Variants in ETS1 observed in about 807,000 individuals in gnomAD.
ETS1 encodes the protein protein C-ets-1.
ETS1 carries 15 observed loss-of-function variants against 58.6 expected under a neutral mutation model. The observed-to-expected ratio is 0.26, with a 90% CI of 0.17 to 0.39. The LOEUF (loss-of-function observed/expected upper bound fraction) is 0.39, where lower values mean the gene tolerates loss of function less well. Ranked by LOEUF, ETS1 falls within the 10% of genes least tolerant of loss-of-function variation. ETS1 has a pLI of 1.00. For missense variants in ETS1, 417 were observed against 610.5 expected (o/e 0.68, Z 3.34); for synonymous variants, 214 against 218.2 (o/e 0.98, Z 0.17).
chr11:128,490,344 T>C, intron 4 of ETS1, 113 bp downstream of exon 4: 1 of 1,087,892 alleles, frequency 9.2e-7, no homozygotes, highest in Non-Finnish European at 1.4e-6. Context: ...GGCCCATAGC[T>C]GCTGACTCCA....
intron 2 of ETS1, among the ~76,000 whole-genome samples, chr11:128,567,250 G>A (rs114041665): frequency 0.015 from 2,251 of 152,302 alleles, 66 homozygotes; most frequent in African/African-American, 0.051. Context: ...GAGGGACGGA[G>A]GCCAATGCCC....
rs562832391 is a variant in ETS1 at position 128,525,412 on chromosome 11, G to C, written c.214+30879C>G. On this transcript the variant is annotated intron_variant, in intron 3 of 9. Coordinates refer to ENST00000392668, the MANE Select transcript of ETS1 (RefSeq NM_001143820.2). ...TATACACTTAATGTTGAACAATCAT[G>C]GAAGACAGACTTTCCCTCTCCAGAA... is the stretch of plus-strand genomic sequence containing the variant. Among the ~76,000 whole-genome samples the C allele has an allele frequency of 2.3e-4, 35 of 152,156 alleles. No individual in the cohort carries two copies. In the South Asian group the frequency reaches 3.3e-3, roughly 14 times the overall value.
At chr11:128,558,702 GAA>G (rs924933166) in intron 2 of ETS1, among the ~76,000 whole-genome samples, 5 of 131,850 alleles carry the variant, frequency 3.8e-5, no homozygotes, top group African/African-American at 1.4e-4. Context: ...AGAGAGAAAA[GAA>G]AAGAAAATGT....
chr11:128,480,304 G>T lies in ETS1; in HGVS notation c.1010C>A (p.Ala337Asp). ...CTTGGGCTTGTGGTTGGGCAGGGCAGCCGGATAGTCCTCTGAGTCGAAGCT... is the reference window on the plus strand; with the variant it reads ...CTTGGGCTTGTGGTTGGGCAGGGCATCCGGATAGTCCTCTGAGTCGAAGCT... ...YDSFDSEDYP[A>D]ALPNHKPKGT... The change falls in exon 8 of 10, where the codon GCT (alanine) becomes GAT (aspartate). Residue 337 changes from alanine to aspartate, a missense_variant. Ala to Asp is a moderately radical substitution (Grantham distance 126, BLOSUM62 -2). Around this residue, in one of 4 missense-constraint regions of ETS1, gnomAD observed 139 missense variants for 152.1 expected, o/e 0.91. Transcript: ENST00000392668. 1 of 1,614,158 alleles carries T rather than the reference G, an allele frequency of 6.2e-7. No homozygotes were observed. Among genetic ancestry groups the T allele is most frequent in the Non-Finnish European group, 8.5e-7 (1 of 1,180,022 alleles).
At chr11:128,559,323 CA>C (rs2135560908) in intron 2 of ETS1, among the ~76,000 whole-genome samples, 1 of 152,298 alleles carries the variant, frequency 6.6e-6, no homozygotes, top group South Asian at 2.1e-4. Flanking sequence ...GTAGGTAGGG[CA>C]CAAAATAATG....
intron 1 of ETS1, among the ~76,000 whole-genome samples, chr11:128,585,174 GAAAGAAAGAAAGAAGGAAGGAAA>G: frequency 4.7e-5 from 1 of 21,124 alleles, no homozygotes; most frequent in African/African-American, 2.9e-4. Flanking sequence ...GAAAGAGAAA[GAAAGAAAGAAAGAAGGAAGGAAA>G]GAAAGAAAGA....
At chr11:128,512,920 T>A (rs1043165191) in intron 3 of ETS1, among the ~76,000 whole-genome samples, 5 of 152,262 alleles carry the variant, frequency 3.3e-5, no homozygotes, top group African/African-American at 1.2e-4. Context: ...CTTCACCTAC[T>A]GAATGCTTGA....
At chr11:128,521,678 C>T (rs1565395072) in intron 3 of ETS1, among the ~76,000 whole-genome samples, 1 of 152,200 alleles carries the variant, frequency 6.6e-6, no homozygotes, top group African/African-American at 2.4e-5. Flanking sequence ...CACAAAAACA[C>T]AGCTGTGAAA....
chr11:128,492,732 T>G (rs1862835190), intron 3 of ETS1, among the ~76,000 whole-genome samples: 1 of 152,158 alleles, frequency 6.6e-6, no homozygotes, highest in South Asian at 2.1e-4. Context: ...ATCCCCACTC[T>G]ACACCTCCAA....
At chr11:128,487,372 C>T (rs10790958) in intron 5 of ETS1, among the ~76,000 whole-genome samples, 3 of 152,178 alleles carry the variant, frequency 2.0e-5, no homozygotes, top group Non-Finnish European at 2.9e-5. Context: ...CCAGTCTTAG[C>T]GGCCAGAAGG....
chr11:128,515,639 T>G (rs375774492), intron 3 of ETS1, among the ~76,000 whole-genome samples: 3 of 152,212 alleles, frequency 2.0e-5, no homozygotes, highest in South Asian at 4.1e-4. Flanking sequence ...AGTTAATGTC[T>G]GTCATTCTGA....
chr11:128,501,957 C>T (rs1486754373), intron 3 of ETS1, among the ~76,000 whole-genome samples: 1 of 152,042 alleles, frequency 6.6e-6, no homozygotes, highest in African/African-American at 2.4e-5. Context: ...AGCTGGAATT[C>T]AGACCCCTGT....
chr11:128,579,785 T>C (rs1014421546), intron 1 of ETS1, among the ~76,000 whole-genome samples: 1 of 152,294 alleles, frequency 6.6e-6, no homozygotes, highest in Non-Finnish European at 1.5e-5. Flanking sequence ...ACATCTTTAA[T>C]CTACAATGTA....
At chr11:128,552,009 A>C (rs747229456) in intron 3 of ETS1, among the ~76,000 whole-genome samples, 1 of 152,104 alleles carries the variant, frequency 6.6e-6, no homozygotes, top group Non-Finnish European at 1.5e-5. Flanking sequence ...AACAAACCCT[A>C]AAGTGATTCT....
chr11:128,551,240 T>C (rs1374590304), intron 3 of ETS1, among the ~76,000 whole-genome samples: 1 of 152,220 alleles, frequency 6.6e-6, no homozygotes, highest in African/African-American at 2.4e-5. Context: ...CAAGTCTCTC[T>C]GGCACTCCCT....
rs894459146 is a variant in ETS1, at chr11:128,549,698, G to A, written c.214+6593C>T. On this transcript the variant is annotated intron_variant, in intron 3 of 9. Transcript: ENST00000392668. The surrounding 1 kb of genome is among the most constrained non-coding windows in gnomAD (Gnocchi z 4.3). ...GTCTGTCTTGGTTTCCTTCCTTCCC[G>A]GGGACCTAAAGGGGTGATTTACATT... Among the ~76,000 whole-genome samples, 1 of 152,040 alleles carries A rather than the reference G, an allele frequency of 6.6e-6. No homozygotes were observed. Among genetic ancestry groups the A allele is most frequent in the East Asian group, 1.9e-4 (1 of 5,180 alleles).
intron 3 of ETS1, among the ~76,000 whole-genome samples, chr11:128,498,258 A>G (rs1001595220): frequency 2.0e-5 from 3 of 152,252 alleles, no homozygotes; most frequent in Non-Finnish European, 4.4e-5. Flanking sequence ...AGACTTAAAA[A>G]AAAAGATTTT....
At chr11:128,536,755 T>C (rs1315875156) in intron 3 of ETS1, 1 of 152,232 alleles carries the variant, frequency 6.6e-6, no homozygotes, top group Non-Finnish European at 1.5e-5. Context: ...ATTTAAGCAA[T>C]GACTTCAGGC....
rs554831350 is a variant in ETS1 at position 128,560,580 on chromosome 11, T to G, written c.70-4145A>C. ...AACCCAAGTCTATTTGATTTCAGAT[T>G]GTCTTTTCTGCTACGTGCACAACAT... On this transcript the variant is annotated intron_variant, in intron 2 of 9. Coordinates refer to ENST00000392668, the MANE Select transcript of ETS1 (RefSeq NM_001143820.2). Among the ~76,000 whole-genome samples the G allele has an allele frequency of 3.9e-5, 6 of 152,358 alleles. No individual in the cohort carries two copies. The South Asian group carries it at 1.0e-3, about 26-fold the overall frequency.
Sources: gnomAD v4.1 joint callset for allele counts (sites outside exome capture counted in the v4.1 genomes callset) on GRCh38, gnomAD v4.1.1 for gene constraint, gnomAD v4.1.1 regional missense constraint, Gnocchi (gnomAD v3.1) non-coding constraint, MANE v1.5 for transcripts, NCBI Gene and HGNC (gene_info 2026-07-23, HGNC 2026-07-21) for gene names.